FOXN3: variants seen among roughly 807,000 people sequenced by gnomAD.
FOXN3 encodes the protein forkhead box protein N3.
A neutral mutation model predicts 38.4 loss-of-function variants in FOXN3; 7 were observed. That is an observed-to-expected ratio of 0.18 (90% CI 0.10 to 0.34). The LOEUF is 0.34. Among genes scored for constraint, FOXN3 ranks in the 10% least tolerant of loss-of-function variants. FOXN3 has a pLI of 1.00. For synonymous variants in FOXN3, 230 were observed against 242.2 expected, an observed-to-expected ratio of 0.95 and a Z score of 0.47; for missense variants, 456 against 613.4, an observed-to-expected ratio of 0.74 and a Z score of 2.71.
At chr14:89,500,735 T>C (rs1404934851) in intron 1 of FOXN3, among the ~76,000 whole-genome samples, 1 of 152,198 alleles carries the variant, frequency 6.6e-6, no homozygotes, top group East Asian at 1.9e-4. Context: ...CCCTGCCGGC[T>C]GGTGAGAGGT....
At chr14:89,463,051 G>A (rs1333656207) in intron 1 of FOXN3, among the ~76,000 whole-genome samples, 120 of 151,376 alleles carry the variant, frequency 7.9e-4, no homozygotes, top group African/African-American at 2.8e-3. Flanking sequence ...AGCACTTTGG[G>A]AGGCCAAGGA....
In FOXN3 at chr14:89,396,747, G is replaced by A. The variant is rs139920803; in HGVS notation, c.543+15187C>T. ...CTTGGGAGGCTGAGACAGGAGAATC[G>A]CTTGAAACCAGAAGGCGGAGGTTGC... On this transcript the variant is annotated intron_variant, in intron 2 of 5. Coordinates refer to ENST00000557258, the MANE Select transcript of FOXN3 (RefSeq NM_005197.4). Among the ~76,000 whole-genome samples the A allele has an allele frequency of 3.3e-3, 503 of 151,072 alleles. 4 individuals carry two copies. Among genetic ancestry groups the A allele is most frequent in the African/African-American group, 0.011 (471 of 41,034 alleles).
intron 1 of FOXN3, among the ~76,000 whole-genome samples, chr14:89,574,779 C>T (rs1895567074): frequency 6.6e-6 from 1 of 152,162 alleles, no homozygotes; most frequent in African/African-American, 2.4e-5. Context: ...AGACCTGGCT[C>T]TTAACCTCCA....
intron 1 of FOXN3, among the ~76,000 whole-genome samples, chr14:89,459,730 A>T (rs1892799938): frequency 6.6e-6 from 1 of 152,156 alleles, no homozygotes; most frequent in Non-Finnish European, 1.5e-5. Context: ...TTTGTGAGTG[A>T]TAACTGGATT....
At chr14:89,392,615 T>C (rs1003671940) in intron 2 of FOXN3, among the ~76,000 whole-genome samples, 1 of 146,446 alleles carries the variant, frequency 6.8e-6, no homozygotes, top group Non-Finnish European at 1.5e-5. Context: ...TGCTCTCCCC[T>C]GCACATGTGT....
intron 1 of FOXN3, among the ~76,000 whole-genome samples, chr14:89,474,094 C>T (rs1404943976): frequency 6.6e-6 from 1 of 152,260 alleles, no homozygotes; most frequent in Non-Finnish European, 1.5e-5. Flanking sequence ...ATGCTGTTTA[C>T]ACAAACCTAC....
chr14:89,291,361 C>T (rs1465398472), intron 3 of FOXN3: 2 of 583,850 alleles, frequency 3.4e-6, no homozygotes, highest in African/African-American at 1.9e-5. Context: ...AGCCCTGTAA[C>T]ACCCTTTCTG....
In FOXN3 at chr14:89,162,253, G is replaced by A. The variant is rs1887122889; in HGVS notation, c.*161C>T. ...TTAAGGGTCCAAAACAAAGAAGAGG[G>A]GGCAAATTAAAACAAAATAAAAGGA... On this transcript the variant is annotated 3_prime_UTR_variant, in exon 6 of 6. Coordinates refer to ENST00000557258, the MANE Select transcript of FOXN3 (RefSeq NM_005197.4). The surrounding 1 kb of genome is among the most constrained non-coding windows in gnomAD (Gnocchi z 7.2). 4 of 582,820 alleles carry A rather than the reference G, an allele frequency of 6.9e-6. No individual in the cohort carries two copies. The highest frequency in any genetic ancestry group is 1.1e-5 in the Non-Finnish European group (4 of 352,080). The allele number at this position is 582,820 out of a possible 1,614,324, so 36.1% of individuals were successfully genotyped here.
chr14:89,217,973 C>A (rs1391250387), intron 4 of FOXN3, among the ~76,000 whole-genome samples: 1 of 152,220 alleles, frequency 6.6e-6, no homozygotes, highest in Non-Finnish European at 1.5e-5. Flanking sequence ...TCATTTGTAC[C>A]TTTTTCCAGC....
At chr14:89,550,159 T>G (rs775664579) in intron 1 of FOXN3, among the ~76,000 whole-genome samples, 1 of 152,068 alleles carries the variant, frequency 6.6e-6, no homozygotes, top group Non-Finnish European at 1.5e-5. Flanking sequence ...CCAAACACCA[T>G]GCTATGAGAC....
intron 1 of FOXN3, chr14:89,576,805 C>T (rs1895635147): frequency 6.6e-6 from 1 of 152,268 alleles, no homozygotes; most frequent in African/African-American, 2.4e-5. Context: ...CAACTGGCCA[C>T]TTAGGAAGAG....
At chr14:89,426,367 A>G (rs980701565) in intron 1 of FOXN3, among the ~76,000 whole-genome samples, 1 of 148,104 alleles carries the variant, frequency 6.8e-6, no homozygotes, top group Non-Finnish European at 1.5e-5. Flanking sequence ...CTGGGATTAC[A>G]GGCGCCCACC....
chr14:89,298,224 A>C (rs1887105040), intron 3 of FOXN3, among the ~76,000 whole-genome samples: 1 of 152,198 alleles, frequency 6.6e-6, no homozygotes, highest in Non-Finnish European at 1.5e-5. Flanking sequence ...TTTATAAGGT[A>C]TCTAGAGTCA....
At position 89,189,914 on chromosome 14, in the gene FOXN3, A is replaced by G. The variant is rs534705281; in HGVS notation, c.746-9108T>C. Reference sequence around the variant, plus strand: ...CATTTCAAAGATATTCCAGGCTCCAACAGGCCTATTTCACTAGACTCTTCT... The same window carrying G: ...CATTTCAAAGATATTCCAGGCTCCAGCAGGCCTATTTCACTAGACTCTTCT... On this transcript the variant is annotated intron_variant, in intron 4 of 5. Transcript: ENST00000557258. Among the ~76,000 whole-genome samples the G allele has an allele frequency of 5.3e-5, 8 of 152,314 alleles. No individual in the cohort carries two copies. The South Asian group carries it at 1.5e-3, about 28-fold the overall frequency.
chr14:89,538,293 A>G (rs1391194437), intron 1 of FOXN3, among the ~76,000 whole-genome samples: 1 of 152,230 alleles, frequency 6.6e-6, no homozygotes. Context: ...CTCAAGGAGC[A>G]TAACGTACCC....
At chr14:89,360,145 C>A (rs917734765) in intron 2 of FOXN3, among the ~76,000 whole-genome samples, 2 of 152,124 alleles carry the variant, frequency 1.3e-5, no homozygotes, top group Admixed American at 6.5e-5. Context: ...ACTGGCCTTG[C>A]GTTTCTGCCC....
At chr14:89,433,956 C>T (rs1892220047) in intron 1 of FOXN3, among the ~76,000 whole-genome samples, 3 of 135,524 alleles carry the variant, frequency 2.2e-5, no homozygotes, top group Non-Finnish European at 4.6e-5. Context: ...TGGAGTTTCA[C>T]TCTTGTCGCC....
At chr14:89,537,404 T>C (rs1413807457) in intron 1 of FOXN3, among the ~76,000 whole-genome samples, 2 of 152,110 alleles carry the variant, frequency 1.3e-5, no homozygotes, top group Admixed American at 6.6e-5. Context: ...AATGGATGGA[T>C]TGATGGACTG....
At chr14:89,438,722 A>C (rs2160216) in intron 1 of FOXN3, among the ~76,000 whole-genome samples, 4,195 of 152,140 alleles carry the variant, frequency 0.028, 212 homozygotes, top group African/African-American at 0.096. Context: ...TCATCATTTG[A>C]AATCTATACT....
Sources: gnomAD v4.1 joint callset for allele counts (sites outside exome capture counted in the v4.1 genomes callset) on GRCh38, gnomAD v4.1.1 for gene constraint, Gnocchi (gnomAD v3.1) non-coding constraint, MANE v1.5 for transcripts, NCBI Gene and HGNC (gene_info 2026-07-23, HGNC 2026-07-21) for gene names.